The following DOCK1 variants were observed in gnomAD, a reference collection of about 807,000 sequenced individuals.
DOCK1 encodes the protein dedicator of cytokinesis 1, also known as dedicator of cytokinesis protein 1.
In DOCK1, 138 loss-of-function variants were observed where a neutral mutation model predicts 262.7. The observed-to-expected ratio is 0.53, with a 90% CI of 0.46 to 0.61. DOCK1 has a LOEUF of 0.61. DOCK1 is among the 20% of genes least tolerant of loss of function. The probability of loss-of-function intolerance (pLI) is 0.00; values close to 1 mark genes in which losing one functional copy is unlikely to be tolerated. For synonymous variants in DOCK1, 866 were observed against 867.4 expected (o/e 1.00, Z 0.03); for missense variants, 1,908 against 2,370.7 (o/e 0.80, Z 4.05).
intron 27 of DOCK1, among the ~76,000 whole-genome samples, chr10:127,234,455 G>A (rs1302215767): frequency 1.3e-5 from 2 of 152,118 alleles, no homozygotes; most frequent in Admixed American, 6.6e-5. Flanking sequence ...AATAAAAGGA[G>A]CTGTTAAAGA....
chr10:127,189,944 A>G lies in DOCK1; in HGVS notation c.2848-58064A>G, dbSNP rs1334416. Among the ~76,000 whole-genome samples, 1,442 of 152,354 alleles carry G rather than the reference A, an allele frequency of 9.5e-3. 21 individuals carry two copies. The highest frequency in any genetic ancestry group is 0.033 in the African/African-American group (1,363 of 41,580). ...GACGTCAAATTGAGATGTGAGGTTA[A>G]GGCTGAGAGACAGACATCTCCTTCT... is the stretch of plus-strand genomic sequence containing the variant. On this transcript the variant is annotated intron_variant, in intron 27 of 51. Coordinates refer to ENST00000623213, the MANE Select transcript of DOCK1 (RefSeq NM_001290223.2).
At chr10:127,302,740 G>GTAT (rs56851132) in intron 29 of DOCK1, among the ~76,000 whole-genome samples, 4 of 71,476 alleles carry the variant, frequency 5.6e-5, no homozygotes, top group African/African-American at 1.8e-4. Flanking sequence ...GGAAAAGAGG[G>GTAT]GGTGTGTGTG....
At chr10:127,003,717 G>T (rs936944343) in intron 10 of DOCK1, among the ~76,000 whole-genome samples, 2 of 152,182 alleles carry the variant, frequency 1.3e-5, no homozygotes, top group Non-Finnish European at 2.9e-5. Context: ...ACTGTGGGAA[G>T]TTGAGGTGGG....
intron 31 of DOCK1, among the ~76,000 whole-genome samples, chr10:127,348,539 G>T (rs1317513509): frequency 1.3e-5 from 2 of 152,134 alleles, no homozygotes; most frequent in African/African-American, 2.4e-5. Flanking sequence ...AAATTTCAGC[G>T]CAAGAGGTTA....
chr10:127,008,487 A>G (rs1350746145), intron 10 of DOCK1, among the ~76,000 whole-genome samples: 12 of 152,188 alleles, frequency 7.9e-5, no homozygotes, highest in Admixed American at 5.2e-4. Flanking sequence ...CTAGGGTGAC[A>G]GTTGGGTAAT....
rs571829579 is a variant in DOCK1, at chr10:127,298,822, C to T, written c.3045-40184C>T. On this transcript the variant is annotated intron_variant, in intron 29 of 51. Transcript: ENST00000623213. Reference sequence around the variant, plus strand: ...TTGTCAGAGCTTTTCTGCATTTTGACGTAGGAGGATACCTGAGGGCCATGG... The same window carrying T: ...TTGTCAGAGCTTTTCTGCATTTTGATGTAGGAGGATACCTGAGGGCCATGG... Among the ~76,000 whole-genome samples the T allele has an allele frequency of 6.6e-5, 10 of 152,178 alleles. No individual in the cohort carries two copies. In the East Asian group the frequency reaches 1.2e-3, roughly 18 times the overall value.
chr10:127,259,537 G>A (rs374467383), intron 29 of DOCK1, among the ~76,000 whole-genome samples: 1 of 152,286 alleles, frequency 6.6e-6, no homozygotes, highest in East Asian at 1.9e-4. Flanking sequence ...AGGCGCCTGA[G>A]CACAGGGTGT....
At chr10:127,018,582 A>AC in intron 12 of DOCK1, 128 bp from the exon 13 acceptor site, 1 of 1,459,084 alleles carries the variant, frequency 6.9e-7, no homozygotes, top group Non-Finnish European at 9.4e-7. Flanking sequence ...TTTCTCATAT[A>AC]CCCACCTTTT....
intron 1 of DOCK1, among the ~76,000 whole-genome samples, chr10:126,946,639 A>G (rs995127220): frequency 5.1e-4 from 78 of 152,310 alleles, no homozygotes; most frequent in African/African-American, 1.8e-3. Flanking sequence ...TGACTACTCT[A>G]GGAGCCACAT....
intron 27 of DOCK1, among the ~76,000 whole-genome samples, chr10:127,170,360 T>C (rs1412790234): frequency 6.6e-6 from 1 of 152,134 alleles, no homozygotes; most frequent in Non-Finnish European, 1.5e-5. Flanking sequence ...AGCCTGCAGG[T>C]AACACCCAGC....
intron 38 of DOCK1, among the ~76,000 whole-genome samples, chr10:127,399,914 C>T (rs556547997): frequency 1.3e-5 from 2 of 152,146 alleles, no homozygotes; most frequent in African/African-American, 2.4e-5. Context: ...AGAGGACATA[C>T]GAAAGACTTA....
intron 23 of DOCK1, among the ~76,000 whole-genome samples, chr10:127,082,954 C>T (rs2046992985): frequency 6.6e-6 from 1 of 152,164 alleles, no homozygotes; most frequent in Non-Finnish European, 1.5e-5. Flanking sequence ...AAGGCCTGTT[C>T]TCTTCCTGTC....
At chr10:127,411,968 G>A (rs7904654) in intron 43 of DOCK1, among the ~76,000 whole-genome samples, 38,736 of 151,626 alleles carry the variant, frequency 0.26, 5,231 homozygotes, top group African/African-American at 0.33. Flanking sequence ...ATTTTTATTT[G>A]TTTATTTTTT....
At chr10:127,384,272 T>C (rs1367968441) in intron 37 of DOCK1, among the ~76,000 whole-genome samples, 2 of 152,242 alleles carry the variant, frequency 1.3e-5, no homozygotes, top group Non-Finnish European at 2.9e-5. Context: ...CCAGGAATAC[T>C]GGCCAAACCC....
chr10:126,995,077 C>G lies in DOCK1; in HGVS notation c.474-1671C>G, dbSNP rs2040079589. 6.7e-6 allele frequency among the ~76,000 whole-genome samples: 1 copy of G among 150,284 alleles called. No individual in the cohort carries two copies. The highest frequency in any genetic ancestry group is 2.1e-4 in the South Asian group (1 of 4,732). ...CTGGGCAGAGGCGCTCTTCACATCTCAGACGGGGCGGCAGGGCAGAGGCGC... is the reference window on the plus strand; with the variant it reads ...CTGGGCAGAGGCGCTCTTCACATCTGAGACGGGGCGGCAGGGCAGAGGCGC... On this transcript the variant is annotated intron_variant, in intron 6 of 51. Coordinates refer to ENST00000623213, the MANE Select transcript of DOCK1 (RefSeq NM_001290223.2). This position sits in a 1 kb window ranked among gnomAD's most constrained non-coding sequence, Gnocchi z 5.8.
chr10:126,941,572 C>T lies in DOCK1; in HGVS notation c.47-29130C>T, dbSNP rs1037626836. Among the ~76,000 whole-genome samples, 84 of 152,184 alleles carry T rather than the reference C, an allele frequency of 5.5e-4. No individual in the cohort carries two copies. In the Middle Eastern group the frequency reaches 0.01, roughly 19 times the overall value. ...GAGATCGAGACCATCCTGGCTAACA[C>T]GGTGAAACCCTGTCTCTACTAAAAG... On this transcript the variant is annotated intron_variant, in intron 1 of 51. Coordinates refer to ENST00000623213, the MANE Select transcript of DOCK1 (RefSeq NM_001290223.2).
chr10:126,931,275 C>T (rs2034167505), intron 1 of DOCK1, among the ~76,000 whole-genome samples: 2 of 151,948 alleles, frequency 1.3e-5, no homozygotes, highest in Non-Finnish European at 2.9e-5. Flanking sequence ...GGGATACTTT[C>T]ACTTTCTATA....
intron 1 of DOCK1, among the ~76,000 whole-genome samples, chr10:126,906,463 C>T (rs1422715154): frequency 6.6e-6 from 1 of 152,214 alleles, no homozygotes; most frequent in Admixed American, 6.5e-5. Flanking sequence ...GGCTACTCTC[C>T]TGCTCTCCCG....
chr10:127,336,593 G>A (rs1402397835), intron 29 of DOCK1, among the ~76,000 whole-genome samples: 2 of 150,416 alleles, frequency 1.3e-5, no homozygotes, highest in South Asian at 4.2e-4. Flanking sequence ...AGGCTGGAGT[G>A]CAGTGGCGCA....
Sources: allele counts gnomAD v4.1 joint callset (sites outside exome capture counted in the v4.1 genomes callset), GRCh38; gene constraint gnomAD v4.1.1; non-coding constraint Gnocchi (gnomAD v3.1); transcripts MANE v1.5; gene names NCBI Gene and HGNC (gene_info 2026-07-23, HGNC 2026-07-21).